SCN1A: variants seen among roughly 807,000 people sequenced by gnomAD.
SCN1A encodes the protein sodium voltage-gated channel alpha subunit 1.
SCN1A carries 13 observed loss-of-function variants against 193.7 expected under a neutral mutation model. The observed-to-expected ratio is 0.07, with a 90% CI of 0.04 to 0.11. The LOEUF is 0.11. Ranked by LOEUF, SCN1A falls within the 10% of genes least tolerant of loss-of-function variation. SCN1A has a pLI of 1.00. For missense variants in SCN1A, 1,432 were observed against 2,451.1 expected (o/e 0.58, Z 8.78); for synonymous variants, 781 against 843.6 (o/e 0.93, Z 1.29).
At chr2:166,130,930 A>T (rs1334282768), upstream of SCN1A, among the ~76,000 whole-genome samples, 1 of 152,188 alleles carries the variant, frequency 6.6e-6, no homozygotes, top group Non-Finnish European at 1.5e-5. Context: ...TTAGCAGAAG[A>T]TATTAAAACA....
chr2:166,030,616 A>G (rs1212342095), intron 19 of SCN1A, among the ~76,000 whole-genome samples: 1 of 152,156 alleles, frequency 6.6e-6, no homozygotes, highest in African/African-American at 2.4e-5. Context: ...TTAACTTCCA[A>G]ATAGCTTTTA....
chr2:166,143,675 T>C (rs1692188731), intron 1 of SCN1A, among the ~76,000 whole-genome samples: 1 of 152,214 alleles, frequency 6.6e-6, no homozygotes, highest in Admixed American at 6.5e-5. Flanking sequence ...CTCCTTTACC[T>C]AGAATATTAT....
At chr2:166,062,614 G>C (rs1683425151) in intron 4 of SCN1A, among the ~76,000 whole-genome samples, 1 of 152,032 alleles carries the variant, frequency 6.6e-6, no homozygotes, top group Non-Finnish European at 1.5e-5. Flanking sequence ...TAGCTCTAGA[G>C]TTTTCAAATA....
In SCN1A at chr2:166,036,098, A is replaced by C. The variant is rs1481310706; in HGVS notation, c.3379T>G (p.Leu1127Val). The part of the protein sequence containing the change: ...IAVGESDFEN[L>V]NTEDFSSESD... ...TCACTACTAAAGTCTTCCGTGTTTA[A>C]ATTTTCAAAGTCAGATTCTCCTACA... The change falls in exon 19 of 29, where the codon TTA becomes GTA. Residue 1127 changes from leucine (L) to valine (V), a missense_variant. This residue lies in a region of SCN1A where 198 missense variants were observed against 225.8 expected (regional missense o/e 0.88). Coordinates refer to ENST00000674923, the MANE Select transcript of SCN1A (RefSeq NM_001165963.4). 1 of 1,613,928 alleles carries C rather than the reference A, an allele frequency of 6.2e-7. No individual in the cohort carries two copies.
intron 19 of SCN1A, among the ~76,000 whole-genome samples, chr2:166,016,968 G>A (rs1348471483): frequency 2.7e-5 from 4 of 150,460 alleles, no homozygotes; most frequent in Non-Finnish European, 4.4e-5. Flanking sequence ...CGAAATATTT[G>A]TATTTGCTTG....
chr2:166,081,350 C>T (rs1257169057), intron 2 of SCN1A, among the ~76,000 whole-genome samples: 1 of 151,906 alleles, frequency 6.6e-6, no homozygotes, highest in Non-Finnish European at 1.5e-5. Flanking sequence ...CTTATAAATG[C>T]TTTGTACCCG....
intron 3 of SCN1A, among the ~76,000 whole-genome samples, chr2:166,073,963 A>G (rs1480371207): frequency 2.0e-5 from 3 of 152,198 alleles, no homozygotes; most frequent in Non-Finnish European, 4.4e-5. Flanking sequence ...ACACTATATC[A>G]CTAATGAGTT....
At chr2:166,013,696 A>C (rs930753829) in intron 21 of SCN1A, 48 bp downstream of exon 21, 2 of 1,541,946 alleles carry the variant, frequency 1.3e-6, no homozygotes, top group Non-Finnish European at 1.8e-6. Flanking sequence ...TCAGTATTAG[A>C]GTGTTCTAAA....
chr2:166,017,185 C>T (rs553197914), intron 19 of SCN1A, among the ~76,000 whole-genome samples: 1 of 151,732 alleles, frequency 6.6e-6, no homozygotes, highest in South Asian at 2.1e-4. Flanking sequence ...TTTCAACATT[C>T]TAACACATTA....
intron 20 of SCN1A, 116 bp downstream of exon 20, chr2:166,015,491 T>C (rs1693150074): frequency 1.6e-6 from 2 of 1,265,350 alleles, no homozygotes; most frequent in Non-Finnish European, 1.1e-6. Context: ...TTAGAGGTGA[T>C]TGAATTATAT....
chr2:166,132,845 G>T (rs1159046716), upstream of SCN1A, among the ~76,000 whole-genome samples: 3 of 151,970 alleles, frequency 2.0e-5, no homozygotes, highest in Non-Finnish European at 2.9e-5. Flanking sequence ...CCCGCAACTG[G>T]AATTCACTGA....
At chr2:166,143,986 G>A (rs2155871) in intron 1 of SCN1A, among the ~76,000 whole-genome samples, 122,423 of 151,662 alleles carry the variant, frequency 0.81, 50,007 homozygotes, top group African/African-American at 0.94. Context: ...CAAAGTCTGA[G>A]AACATCTCCG....
chr2:166,049,041 A>G (rs1698219529), intron 9 of SCN1A, 92 bp from the exon 10 acceptor site: 2 of 785,904 alleles, frequency 2.5e-6, no homozygotes, highest in Non-Finnish European at 4.5e-6. Context: ...TTTTAAGTTT[A>G]TTGAGTAATT....
At position 166,007,421 on chromosome 2, in the gene SCN1A, A is replaced by G. The variant is rs1691807325; in HGVS notation, c.4002+2298T>C. On this transcript the variant is annotated intron_variant, in intron 23 of 28. Coordinates refer to ENST00000674923, the MANE Select transcript of SCN1A (RefSeq NM_001165963.4). Reference sequence around the variant, plus strand: ...ATCCATTAAGACTTGAGTTCTTTTGAAAAAGAAGGTATTTAAGATTTCCTA... The same window carrying G: ...ATCCATTAAGACTTGAGTTCTTTTGGAAAAGAAGGTATTTAAGATTTCCTA... 1 of 151,292 alleles carries G rather than the reference A, an allele frequency of 6.6e-6. No individual in the cohort carries two copies. The highest frequency in any genetic ancestry group is 6.6e-5 in the Admixed American group (1 of 15,114). 9.4% of individuals were successfully genotyped at this position (151,292 alleles called of 1,614,324 possible).
At chr2:166,040,916 G>T (rs1697088093) in intron 16 of SCN1A, among the ~76,000 whole-genome samples, 1 of 152,166 alleles carries the variant, frequency 6.6e-6, no homozygotes, top group Non-Finnish European at 1.5e-5. Context: ...TCTACAGTAA[G>T]GGAAATTGTA....
At chr2:166,052,706 A>G (rs1031114328) in intron 8 of SCN1A, 146 bp downstream of exon 8, 116 of 771,154 alleles carry the variant, frequency 1.5e-4, no homozygotes, top group Middle Eastern at 6.7e-4. Flanking sequence ...TCCAAGGCTG[A>G]TAAAGCTTAT....
chr2:166,096,272 AT>A (rs2106111451), intron 2 of SCN1A, among the ~76,000 whole-genome samples: 1 of 152,244 alleles, frequency 6.6e-6, no homozygotes, highest in Admixed American at 6.6e-5. Flanking sequence ...GAAATCAGGG[AT>A]GAAAAATCAC....
At chr2:165,994,065 G>A (rs1689657679) in intron 28 of SCN1A, 81 bp downstream of exon 28, 4 of 1,114,758 alleles carry the variant, frequency 3.6e-6, no homozygotes, top group Middle Eastern at 2.6e-4. Context: ...TCTGATTGCT[G>A]GGATGATCTT....
Position 166,026,684 on chromosome 2 carries a change from T to C in SCN1A, c.3429+9364A>G, listed in dbSNP as rs968811575. ...ATATTTCTCTTTCTTTCTTTCTTTT[T>C]TTTTTTTTTTTTTTTTTGAGACTGA... On this transcript the variant is annotated intron_variant, in intron 19 of 28. Transcript: ENST00000674923. Among the ~76,000 whole-genome samples the C allele has an allele frequency of 3.2e-3, 422 of 130,982 alleles. 1 individual carries two copies. Among genetic ancestry groups the C allele is most frequent in the Admixed American group, 0.021 (282 of 13,144 alleles). The allele number at this position is 130,982 out of a possible 152,430, so 85.9% of individuals were successfully genotyped here.
Sources: allele counts gnomAD v4.1 joint callset (sites outside exome capture counted in the v4.1 genomes callset), GRCh38; gene constraint gnomAD v4.1.1; regional missense constraint gnomAD v4.1.1; transcripts MANE v1.5; gene names NCBI Gene and HGNC (gene_info 2026-07-23, HGNC 2026-07-21).